Variants in CALN1 observed in about 807,000 individuals in gnomAD.
The protein encoded by CALN1 is calneuron 1, also known as calcium-binding protein 8.
CALN1 carries 17 observed loss-of-function variants against 30.6 expected under a neutral mutation model. The observed-to-expected ratio is 0.56, with a 90% CI of 0.38 to 0.83. The LOEUF (loss-of-function observed/expected upper bound fraction) is 0.83. CALN1 is among the 40% of genes least tolerant of loss of function. CALN1 has a pLI of 0.00. For missense variants in CALN1, 291 were observed against 354.9 expected (o/e 0.82, Z 1.45); for synonymous variants, 156 against 131.4 (o/e 1.19, Z -1.28).
intron 5 of CALN1, among the ~76,000 whole-genome samples, chr7:71,851,185 C>T (rs986489787): frequency 2.1e-5 from 3 of 139,866 alleles, no homozygotes; most frequent in Non-Finnish European, 3.1e-5. Context: ...CTAGCCTGGG[C>T]GACAGAGAGA....
chr7:71,878,165 T>C (rs1363175825), intron 5 of CALN1, among the ~76,000 whole-genome samples: 1 of 152,104 alleles, frequency 6.6e-6, no homozygotes, highest in Non-Finnish European at 1.5e-5. Flanking sequence ...ATTAGCCTAG[T>C]ATAAGTTAAG....
At chr7:72,077,493 C>T (rs1295329014) in intron 4 of CALN1, among the ~76,000 whole-genome samples, 1 of 152,110 alleles carries the variant, frequency 6.6e-6, no homozygotes, top group Non-Finnish European at 1.5e-5. Context: ...AGGCTGGTCT[C>T]GAACTTCTGA....
intron 3 of CALN1, among the ~76,000 whole-genome samples, chr7:72,176,095 C>A (rs1305064954): frequency 1.3e-5 from 2 of 152,322 alleles, no homozygotes; most frequent in Non-Finnish European, 2.9e-5. Context: ...CTCTTCCACC[C>A]TGAACCCTTA....
At chr7:72,271,634 CAG>C (rs1797001928) in intron 3 of CALN1, among the ~76,000 whole-genome samples, 1 of 137,250 alleles carries the variant, frequency 7.3e-6, no homozygotes. Flanking sequence ...ACAATGAATG[CAG>C]AGATGACAAA....
intron 5 of CALN1, among the ~76,000 whole-genome samples, chr7:71,826,649 T>A (rs990293906): frequency 1.3e-5 from 2 of 152,172 alleles, no homozygotes; most frequent in African/African-American, 4.8e-5. Flanking sequence ...TGACGTGGCC[T>A]TGCTGCTTGC....
At chr7:72,491,116 C>A in the CALN1 span, among the ~76,000 whole-genome samples, 1 of 151,834 alleles carries the variant, frequency 6.6e-6, no homozygotes, top group Non-Finnish European at 1.5e-5. Flanking sequence ...TGGTGGCAGG[C>A]GCCTGTAGTC....
At position 72,357,271 on chromosome 7, in the gene CALN1, AC is replaced by A. The variant is rs563535562; in HGVS notation, c.119+45979del. 3.5e-4 allele frequency among the ~76,000 whole-genome samples: 53 copies of A among 151,468 alleles called. No individual in the cohort carries two copies. In the South Asian group the frequency reaches 0.011, roughly 31 times the overall value. On this transcript the variant is annotated intron_variant, in intron 2 of 6. Coordinates refer to ENST00000395275, the MANE Select transcript of CALN1 (RefSeq NM_031468.4). ...GGGCCCAAGAGCCTTGCTAACACAAACCCCCCGACCCCAAGCTGAGATCTGG... is the reference window on the plus strand; with the variant it reads ...GGGCCCAAGAGCCTTGCTAACACAAACCCCCGACCCCAAGCTGAGATCTGG...
At chr7:72,411,927 A>G (rs555690516) in intron 1 of CALN1, 131 bp downstream of exon 1, 5 of 152,344 alleles carry the variant, frequency 3.3e-5, no homozygotes, top group African/African-American at 1.2e-4. Flanking sequence ...AGAAAAAATC[A>G]TAGATTAAAA....
chr7:71,829,768 G>A (rs1789150250), intron 5 of CALN1, among the ~76,000 whole-genome samples: 1 of 152,200 alleles, frequency 6.6e-6, no homozygotes, highest in South Asian at 2.1e-4. Flanking sequence ...TGCACTGTCT[G>A]GGGATGATGA....
chr7:71,819,670 C>T (rs769805264), intron 5 of CALN1, among the ~76,000 whole-genome samples: 1 of 152,138 alleles, frequency 6.6e-6, no homozygotes, highest in Non-Finnish European at 1.5e-5. Context: ...TCACTGCAAA[C>T]CCAACAACCA....
intron 2 of CALN1, among the ~76,000 whole-genome samples, chr7:72,394,133 T>G (rs1379854584): frequency 6.6e-6 from 1 of 152,138 alleles, no homozygotes; most frequent in Non-Finnish European, 1.5e-5. Context: ...ACTTTGTGCA[T>G]ATAGAATTTT....
chr7:71,908,437 G>A (rs1048068825), intron 5 of CALN1, among the ~76,000 whole-genome samples: 3 of 152,266 alleles, frequency 2.0e-5, no homozygotes, highest in East Asian at 3.9e-4. Context: ...AAATCACAAA[G>A]TTAACGTCGA....
At chr7:72,339,616 T>A (rs568586718) in intron 2 of CALN1, among the ~76,000 whole-genome samples, 4 of 152,214 alleles carry the variant, frequency 2.6e-5, no homozygotes, top group Non-Finnish European at 5.9e-5. Flanking sequence ...ATGCTGCTAA[T>A]AAAGACATAC....
intron 5 of CALN1, among the ~76,000 whole-genome samples, chr7:71,896,995 T>TA (rs1371969328): frequency 6.6e-6 from 1 of 152,048 alleles, no homozygotes; most frequent in African/African-American, 2.4e-5. Flanking sequence ...AGCCAGGAAA[T>TA]AAGGCTATGA....
intron 1 of CALN1, among the ~76,000 whole-genome samples, chr7:72,418,922 G>T (rs551637727): frequency 6.6e-6 from 1 of 152,066 alleles, no homozygotes; most frequent in Non-Finnish European, 1.5e-5. Flanking sequence ...ACACTGTGCC[G>T]GGAGGATTGC....
chr7:71,855,965 C>A (rs527338711), intron 5 of CALN1, among the ~76,000 whole-genome samples: 6 of 151,984 alleles, frequency 3.9e-5, no homozygotes, highest in Admixed American at 2.0e-4. Flanking sequence ...TGTCTGTGTG[C>A]GTGCACATTA....
chr7:71,993,147 C>A (rs1221430402), intron 5 of CALN1, among the ~76,000 whole-genome samples: 1 of 152,072 alleles, frequency 6.6e-6, no homozygotes, highest in African/African-American at 2.4e-5. Flanking sequence ...TGAGGATGTA[C>A]TTCCTACAGG....
At chr7:72,024,915 T>C (rs565382530) in intron 4 of CALN1, among the ~76,000 whole-genome samples, 3 of 152,322 alleles carry the variant, frequency 2.0e-5, no homozygotes, top group African/African-American at 7.2e-5. Context: ...TGAAATGTCA[T>C]GTTCTCTTTT....
At chr7:72,322,143 A>G (rs562501354) in intron 2 of CALN1, among the ~76,000 whole-genome samples, 13 of 152,190 alleles carry the variant, frequency 8.5e-5, no homozygotes, top group South Asian at 4.2e-4. Context: ...CCCTGAGCTT[A>G]TTTTTCTGCA....
Sources: allele counts gnomAD v4.1 joint callset (sites outside exome capture counted in the v4.1 genomes callset), GRCh38; gene constraint gnomAD v4.1.1; transcripts MANE v1.5; gene names NCBI Gene and HGNC (gene_info 2026-07-23, HGNC 2026-07-21).